Variants in DOCK7 observed in about 807,000 individuals in gnomAD.
DOCK7 encodes the protein dedicator of cytokinesis protein 7.
A neutral mutation model predicts 271.0 loss-of-function variants in DOCK7; 138 were observed. That is an observed-to-expected ratio of 0.51 (90% CI 0.44 to 0.59). The LOEUF is 0.59. Among genes scored for constraint, DOCK7 ranks in the 20% least tolerant of loss-of-function variants. The pLI is 0.00. For synonymous variants in DOCK7, 823 were observed against 876.1 expected (o/e 0.94, Z 1.07); for missense variants, 2,066 against 2,592.4 (o/e 0.80, Z 4.41).
At position 62,648,326 on chromosome 1, in the gene DOCK7, G is replaced by A; in HGVS notation, c.520-8C>T. The A allele has an allele frequency of 6.4e-7, 1 of 1,563,296 alleles. No individual in the cohort carries two copies. Among genetic ancestry groups the A allele is most frequent in the Non-Finnish European group, 8.7e-7 (1 of 1,153,686 alleles). ...ACGTCTTTTAAGGTCATCCTGTCAT[G>A]CAAAACATTAAATATAAATATATTA... is the stretch of plus-strand genomic sequence containing the variant. On this transcript the variant is annotated splice_polypyrimidine_tract_variant and splice_region_variant and intron_variant, in intron 5 of 49. Transcript: ENST00000635253.
chr1:62,455,738 A>C (rs1645329201), intron 49 of DOCK7, among the ~76,000 whole-genome samples: 1 of 152,200 alleles, frequency 6.6e-6, no homozygotes, highest in Non-Finnish European at 1.5e-5. Context: ...TTAAGGGATA[A>C]TGGGAGAGAT....
intron 14 of DOCK7, chr1:62,598,573 T>C: frequency 3.0e-6 from 2 of 670,116 alleles, no homozygotes; most frequent in East Asian, 2.8e-5. Context: ...GGGGAAGGAA[T>C]TGCCAATATT....
chr1:62,621,924 A>T (rs1162742613), intron 12 of DOCK7, among the ~76,000 whole-genome samples: 1 of 152,192 alleles, frequency 6.6e-6, no homozygotes, highest in Non-Finnish European at 1.5e-5. Context: ...CCATTAAATT[A>T]TATTTTCTCT....
chr1:62,487,441 G>A (rs1234403430), intron 42 of DOCK7, 29 bp from the exon 43 acceptor site: 1 of 1,607,882 alleles, frequency 6.2e-7, no homozygotes, highest in Non-Finnish European at 8.5e-7. Context: ...AAAAGGGCAA[G>A]TCATAAAAAA....
rs778730521 is a variant in DOCK7, at chr1:62,636,536, C to G, written c.885+1G>C. 1 of 1,594,418 alleles carries G rather than the reference C, an allele frequency of 6.3e-7. No individual in the cohort carries two copies. Among genetic ancestry groups the G allele is most frequent in the South Asian group, 1.1e-5 (1 of 88,042 alleles). On this transcript the variant is annotated splice_donor_variant, in intron 8 of 49. Transcript: ENST00000635253. LOFTEE classifies it high-confidence loss of function. ...ACTATGGTCAAATTATATAATCTTA[C>G]CTTTTTCTTTTCCTTGACATCATAT...
intron 1 of DOCK7, among the ~76,000 whole-genome samples, chr1:62,664,518 T>C (rs1249674873): frequency 6.6e-6 from 1 of 152,166 alleles, no homozygotes; most frequent in Non-Finnish European, 1.5e-5. Context: ...CACTTTCCTT[T>C]ATGAATTACC....
intron 14 of DOCK7, among the ~76,000 whole-genome samples, chr1:62,592,363 TA>T (rs1391194687): frequency 1.3e-5 from 2 of 152,074 alleles, no homozygotes; most frequent in Non-Finnish European, 2.9e-5. Context: ...ATAATAAAAA[TA>T]AAACCACAAA....
chr1:62,455,111 AAAT>A lies in DOCK7; in HGVS notation c.*300_*302del. ...TCTATAAATGGTAATATAAATTAAAAAATACGAACTTAAAGTGAATAAATTTTT... is the reference window on the plus strand; with the variant it reads ...TCTATAAATGGTAATATAAATTAAAAACGAACTTAAAGTGAATAAATTTTT... On this transcript the variant is annotated 3_prime_UTR_variant, in exon 50 of 50. Coordinates refer to ENST00000635253, the MANE Select transcript of DOCK7 (RefSeq NM_001367561.1). The A allele has an allele frequency of 1.9e-6, 1 of 514,046 alleles. No individual in the cohort carries two copies. Among genetic ancestry groups the A allele is most frequent in the Non-Finnish European group, 3.4e-6 (1 of 293,708 alleles). The allele number at this position is 514,046 out of a possible 1,614,324, so 31.8% of individuals were successfully genotyped here. A position where few individuals can be genotyped will look rare whatever the true frequency, so the allele number is the denominator to read the frequency against.
intron 14 of DOCK7, among the ~76,000 whole-genome samples, chr1:62,593,862 G>A (rs1648829043): frequency 6.6e-6 from 1 of 152,048 alleles, no homozygotes; most frequent in Non-Finnish European, 1.5e-5. Flanking sequence ...AACTATTGTA[G>A]TTAAAAAGGA....
chr1:62,640,046 A>G (rs1402627243), intron 7 of DOCK7, among the ~76,000 whole-genome samples: 1 of 152,178 alleles, frequency 6.6e-6, no homozygotes, highest in Non-Finnish European at 1.5e-5. Context: ...AATGGCTATT[A>G]TGCTGCAAAA....
chr1:62,642,315 T>C, intron 7 of DOCK7, among the ~76,000 whole-genome samples: 1 of 151,888 alleles, frequency 6.6e-6, no homozygotes, highest in East Asian at 1.9e-4. Context: ...TACCATGTTG[T>C]CCAGGCTTGA....
Position 62,496,946 on chromosome 1 carries a change from T to C in DOCK7, c.4765-449A>G, listed in dbSNP as rs1646641317. Among the ~76,000 whole-genome samples, 3 of 152,156 alleles carry C rather than the reference T, an allele frequency of 2.0e-5. No individual in the cohort carries two copies. In the South Asian group the frequency reaches 6.2e-4, roughly 31 times the overall value. ...GCATAAAGTAATGTAAGGTAGAATC[T>C]TTTGGAGTGATGCCTTTAACAGTTT... On this transcript the variant is annotated intron_variant, in intron 37 of 49. Coordinates refer to ENST00000635253, the MANE Select transcript of DOCK7 (RefSeq NM_001367561.1).
intron 43 of DOCK7, chr1:62,479,660 C>G (rs1372820616): frequency 3.3e-6 from 1 of 306,502 alleles, no homozygotes; most frequent in African/African-American, 2.1e-5. Flanking sequence ...ATATACATTC[C>G]TACTTTTTGT....
chr1:62,498,518 T>A (rs1646686683), intron 37 of DOCK7, among the ~76,000 whole-genome samples: 1 of 152,144 alleles, frequency 6.6e-6, no homozygotes, highest in Non-Finnish European at 1.5e-5. Context: ...TGCCATCTAC[T>A]GCTATGTTTT....
intron 14 of DOCK7, among the ~76,000 whole-genome samples, chr1:62,588,867 C>G (rs374967987): frequency 6.6e-6 from 1 of 152,024 alleles, no homozygotes; most frequent in Non-Finnish European, 1.5e-5. Flanking sequence ...CAGCCTCCTA[C>G]GTAGCTGGGA....
At chr1:62,646,332 T>C (rs1656659097) in intron 7 of DOCK7, among the ~76,000 whole-genome samples, 1 of 152,012 alleles carries the variant, frequency 6.6e-6, no homozygotes, top group African/African-American at 2.4e-5. Context: ...GATTGTCAGG[T>C]GCTGAGGAAA....
chr1:62,668,448 G>C (rs1351204160), intron 1 of DOCK7, among the ~76,000 whole-genome samples: 2 of 152,148 alleles, frequency 1.3e-5, no homozygotes, highest in Non-Finnish European at 2.9e-5. Context: ...TATATTTTGG[G>C]GGATGAGAAA....
intron 1 of DOCK7, among the ~76,000 whole-genome samples, chr1:62,677,042 A>AT (rs1219682459): frequency 6.6e-6 from 1 of 152,242 alleles, no homozygotes; most frequent in Non-Finnish European, 1.5e-5. Context: ...ATACTGCCAC[A>AT]TATTTAAGTA....
intron 31 of DOCK7, among the ~76,000 whole-genome samples, chr1:62,526,714 A>G (rs1645020520): frequency 6.6e-6 from 1 of 152,248 alleles, no homozygotes; most frequent in South Asian, 2.1e-4. Context: ...ACTTTGGTGT[A>G]TCAATACAAT....
Sources: allele counts gnomAD v4.1 joint callset (sites outside exome capture counted in the v4.1 genomes callset), GRCh38; gene constraint gnomAD v4.1.1; transcripts MANE v1.5; gene names NCBI Gene and HGNC (gene_info 2026-07-23, HGNC 2026-07-21).